Variants in PCDHA2 observed in about 807,000 individuals in gnomAD.
The protein encoded by PCDHA2 is protocadherin alpha 2.
In PCDHA2, 58 loss-of-function variants were observed where a neutral mutation model predicts 66.0. The observed-to-expected ratio is 0.88, with a 90% CI of 0.71 to 1.09. PCDHA2 has a LOEUF of 1.09. PCDHA2 is among the 50% of genes least tolerant of loss of function. PCDHA2 has a pLI of 0.00. For missense variants in PCDHA2, 1,267 were observed against 1,242.3 expected, an observed-to-expected ratio of 1.02 and a Z score of -0.30; for synonymous variants, 634 against 554.0, an observed-to-expected ratio of 1.14 and a Z score of -2.03.
chr5:140,875,654 C>A lies in PCDHA2; in HGVS notation c.2388+78302C>A, dbSNP rs781924559. The stretch of plus-strand genomic sequence containing the variant: ...GGGCTGGAGCTGGCGGAGCTGGTGC[C>A]GCGCCTGTTCCGGGTGGCGTCCAAA... On this transcript the variant is annotated intron_variant, in intron 1 of 3. Transcript: ENST00000526136. 54 of 1,613,584 alleles carry A rather than the reference C, an allele frequency of 3.3e-5. No homozygotes were observed. Among genetic ancestry groups the A allele is most frequent in the African/African-American group, 1.3e-4 (10 of 74,926 alleles).
chr5:140,806,931 A>T (rs1485084454), intron 1 of PCDHA2: 1 of 526,084 alleles, frequency 1.9e-6, no homozygotes, highest in Non-Finnish European at 3.3e-6. Context: ...AAAACCAAGT[A>T]GTTTACAGTA....
At chr5:140,882,988 G>A (rs782434208) in intron 1 of PCDHA2, 4 of 1,614,080 alleles carry the variant, frequency 2.5e-6, no homozygotes, top group Non-Finnish European at 3.4e-6. Context: ...ACAACGCCCC[G>A]GAATTTTACC....
At chr5:140,828,644 A>C in intron 1 of PCDHA2, 1 of 1,614,210 alleles carries the variant, frequency 6.2e-7, no homozygotes, top group Non-Finnish European at 8.5e-7. Flanking sequence ...TGTGAAAATA[A>C]ACAGTGATGA....
At chr5:140,860,689 G>A (rs1478164991) in intron 1 of PCDHA2, 3 of 152,174 alleles carry the variant, frequency 2.0e-5, no homozygotes, top group African/African-American at 7.2e-5. Flanking sequence ...TGTTTTGAGC[G>A]ACAGGATATT....
intron 1 of PCDHA2, chr5:140,828,666 T>G: frequency 6.2e-7 from 1 of 1,614,162 alleles, no homozygotes; most frequent in Non-Finnish European, 8.5e-7. Context: ...AATAAACAAA[T>G]TGGGCTCTTA....
chr5:140,931,086 A>G (rs2087290662), intron 1 of PCDHA2, among the ~76,000 whole-genome samples: 1 of 152,204 alleles, frequency 6.6e-6, no homozygotes, highest in Non-Finnish European at 1.5e-5. Context: ...CCAGTTCTAC[A>G]GATGACAAAG....
At chr5:140,808,893 G>A (rs782804250) in intron 1 of PCDHA2, 6 of 1,613,408 alleles carry the variant, frequency 3.7e-6, no homozygotes, top group Non-Finnish European at 5.1e-6. Flanking sequence ...CTAGCGCCTC[G>A]GGCGGGTGGC....
At chr5:140,965,490 C>G (rs115003344) in intron 1 of PCDHA2, among the ~76,000 whole-genome samples, 2,488 of 148,960 alleles carry the variant, frequency 0.017, 68 homozygotes, top group African/African-American at 0.057. Context: ...TGCTTAATGA[C>G]AGCAGATTTT....
chr5:140,828,284 A>C (rs2150153622), intron 1 of PCDHA2: 17 of 1,613,938 alleles, frequency 1.1e-5, no homozygotes, highest in East Asian at 4.5e-5. Context: ...GCGCCTGTTC[A>C]GGATGGCCTC....
intron 1 of PCDHA2, among the ~76,000 whole-genome samples, chr5:140,892,670 A>G (rs35160890): frequency 0.3 from 45,256 of 152,112 alleles, 7,290 homozygotes; most frequent in East Asian, 0.53. Context: ...ATTTTGATAC[A>G]TATATACAAT....
At chr5:140,997,566 T>G (rs1366934494) in intron 3 of PCDHA2, among the ~76,000 whole-genome samples, 1 of 152,208 alleles carries the variant, frequency 6.6e-6, no homozygotes, top group Non-Finnish European at 1.5e-5. Context: ...AACTGTCATA[T>G]GTGTGGTCCG....
chr5:140,836,389 T>TG (rs1328834113), intron 1 of PCDHA2: 1 of 1,613,560 alleles, frequency 6.2e-7, no homozygotes, highest in East Asian at 2.2e-5. Flanking sequence ...CTGGTGTCGC[T>TG]GGTGGAAAGC....
chr5:140,835,420 A>G (rs2150235357), intron 1 of PCDHA2: 60 of 1,613,840 alleles, frequency 3.7e-5, no homozygotes, highest in Non-Finnish European at 4.5e-5. Context: ...GTAAATGACA[A>G]TGCTCCACAG....
rs138800056 is a variant in PCDHA2 at position 140,842,341 on chromosome 5, T to C, written c.2388+44989T>C. 5.9e-4 allele frequency: 943 copies of C among 1,607,778 alleles called. 5 individuals are homozygous for C. The highest frequency in any genetic ancestry group is 7.8e-4 in the Non-Finnish European group (921 of 1,174,582). ...GTCATTGCACCGTTTTAGTGAGAAT[T>C]TTGGATAAAAATGATAACGTCCCTG... On this transcript the variant is annotated intron_variant, in intron 1 of 3. Transcript: ENST00000526136.
chr5:140,800,250 T>C (rs920747845), intron 1 of PCDHA2, among the ~76,000 whole-genome samples: 2 of 152,154 alleles, frequency 1.3e-5, no homozygotes, highest in Non-Finnish European at 2.9e-5. Context: ...ATTCCCACAA[T>C]AGGAAACAAA....
intron 1 of PCDHA2, chr5:140,883,898 C>A (rs781898009): frequency 6.2e-7 from 1 of 1,613,344 alleles, no homozygotes; most frequent in South Asian, 1.1e-5. Flanking sequence ...TGGCGTGCCG[C>A]CTCTGGGCAG....
At chr5:140,918,348 G>A (rs1184826451) in intron 1 of PCDHA2, among the ~76,000 whole-genome samples, 1 of 152,138 alleles carries the variant, frequency 6.6e-6, no homozygotes, top group Non-Finnish European at 1.5e-5. Context: ...GAGATAGGTT[G>A]ACTTCCTCTC....
At chr5:140,985,608 G>A (rs76669319) in intron 3 of PCDHA2, among the ~76,000 whole-genome samples, 1,553 of 152,166 alleles carry the variant, frequency 0.01, 12 homozygotes, top group Middle Eastern at 0.054. Context: ...AGCCCTTTCC[G>A]TGAACCAGCT....
chr5:140,847,058 A>C (rs1780836064), intron 1 of PCDHA2, among the ~76,000 whole-genome samples: 1 of 149,958 alleles, frequency 6.7e-6, no homozygotes, highest in Non-Finnish European at 1.5e-5. Context: ...AGACACAGAA[A>C]GCATCAATAT....
Sources: allele counts gnomAD v4.1 joint callset (sites outside exome capture counted in the v4.1 genomes callset), GRCh38; gene constraint gnomAD v4.1.1; transcripts MANE v1.5; gene names NCBI Gene and HGNC (gene_info 2026-07-23, HGNC 2026-07-21).